Variants in SLC35F4 observed in about 807,000 individuals in gnomAD.
SLC35F4 encodes the protein solute carrier family 35 member F4.
In SLC35F4, 24 loss-of-function variants were observed where a neutral mutation model predicts 44.2. The observed-to-expected ratio is 0.54, with a 90% CI of 0.39 to 0.76. The LOEUF (loss-of-function observed/expected upper bound fraction) is 0.76. SLC35F4 is among the 30% of genes least tolerant of loss of function. SLC35F4 has a pLI of 0.00. For missense variants in SLC35F4, 562 were observed against 586.1 expected, an observed-to-expected ratio of 0.96 and a Z score of 0.42; for synonymous variants, 238 against 223.6, an observed-to-expected ratio of 1.06 and a Z score of -0.57.
intron 1 of SLC35F4, among the ~76,000 whole-genome samples, chr14:57,746,147 TG>T (rs1158379240): frequency 6.6e-6 from 1 of 152,050 alleles, no homozygotes; most frequent in African/African-American, 2.4e-5. Flanking sequence ...GATGAGTTAA[TG>T]GGTGCAGCAC....
chr14:57,868,000 A>T (rs1037233078), upstream of SLC35F4, among the ~76,000 whole-genome samples: 2 of 152,148 alleles, frequency 1.3e-5, no homozygotes, highest in Admixed American at 6.5e-5. Flanking sequence ...TATAAATAAC[A>T]ATTACCGTGT....
chr14:57,634,599 AG>A, intron 1 of SLC35F4, among the ~76,000 whole-genome samples: 1 of 152,282 alleles, frequency 6.6e-6, no homozygotes, highest in Admixed American at 6.5e-5. Context: ...AGGAATTCAC[AG>A]GTGAGATAAA....
intron 1 of SLC35F4, among the ~76,000 whole-genome samples, chr14:57,842,532 G>A (rs1411777921): frequency 6.6e-6 from 1 of 150,788 alleles, no homozygotes; most frequent in Non-Finnish European, 1.5e-5. Flanking sequence ...GAATGCTGTG[G>A]TGATATCTAC....
At chr14:57,830,490 G>A (rs1041266964) in intron 1 of SLC35F4, among the ~76,000 whole-genome samples, 1 of 152,118 alleles carries the variant, frequency 6.6e-6, no homozygotes, top group Non-Finnish European at 1.5e-5. Flanking sequence ...CCAATTTTAT[G>A]TTATGCTATG....
At chr14:57,756,119 T>C (rs1337497106) in intron 1 of SLC35F4, among the ~76,000 whole-genome samples, 4 of 152,348 alleles carry the variant, frequency 2.6e-5, no homozygotes, top group Non-Finnish European at 5.9e-5. Context: ...TTCTGCTTAC[T>C]TTGATTTCAT....
chr14:57,749,958 G>C lies in SLC35F4; in HGVS notation c.103+115765C>G, dbSNP rs117366406. Among the ~76,000 whole-genome samples, 40 of 151,808 alleles carry C rather than the reference G, an allele frequency of 2.6e-4. 1 individual carries two copies. In the East Asian group the frequency reaches 7.9e-3, roughly 30 times the overall value. On this transcript the variant is annotated intron_variant, in intron 1 of 7. Coordinates refer to ENST00000556826, the MANE Select transcript of SLC35F4 (RefSeq NM_001306087.2). Reference sequence around the variant, plus strand: ...AGTGCAATTTTGTTACTTGTGTAGTGATCAAGTCAGGGATTTTAGGGTATC... The same window carrying C: ...AGTGCAATTTTGTTACTTGTGTAGTCATCAAGTCAGGGATTTTAGGGTATC...
At chr14:57,616,170 C>A (rs955991096) in intron 1 of SLC35F4, among the ~76,000 whole-genome samples, 4 of 152,162 alleles carry the variant, frequency 2.6e-5, no homozygotes, top group Non-Finnish European at 4.4e-5. Flanking sequence ...ATCTCCAGAA[C>A]TTTTTCAGCT....
At chr14:57,812,279 G>A (rs1381884750) in intron 1 of SLC35F4, among the ~76,000 whole-genome samples, 1 of 152,072 alleles carries the variant, frequency 6.6e-6, no homozygotes, top group African/African-American at 2.4e-5. Context: ...AACCCAAACT[G>A]TGCCCCTCCC....
intron 1 of SLC35F4, among the ~76,000 whole-genome samples, chr14:57,946,398 A>T (rs1431913458): frequency 7.4e-6 from 1 of 134,400 alleles, no homozygotes; most frequent in Non-Finnish European, 1.6e-5. Flanking sequence ...TCTCCACTTT[A>T]TGTTTTTGTT....
intron 1 of SLC35F4, among the ~76,000 whole-genome samples, chr14:57,737,131 T>C (rs1248303501): frequency 2.6e-5 from 4 of 151,948 alleles, no homozygotes; most frequent in African/African-American, 9.7e-5. Context: ...TGTGCATGTG[T>C]GTGTGTGTTA....
At chr14:57,782,165 G>A (rs2077637682) in intron 1 of SLC35F4, among the ~76,000 whole-genome samples, 1 of 152,136 alleles carries the variant, frequency 6.6e-6, no homozygotes, top group South Asian at 2.1e-4. Context: ...AGAGTAATCT[G>A]TAAGACATAT....
At chr14:57,899,820 G>A (rs1170385098) in intron 1 of SLC35F4, among the ~76,000 whole-genome samples, 2 of 152,154 alleles carry the variant, frequency 1.3e-5, no homozygotes, top group Non-Finnish European at 2.9e-5. Flanking sequence ...GAATGAAGCC[G>A]TGGACCTTTG....
At chr14:57,785,336 G>T (rs976116082) in intron 1 of SLC35F4, among the ~76,000 whole-genome samples, 6 of 152,150 alleles carry the variant, frequency 3.9e-5, no homozygotes, top group African/African-American at 1.4e-4. Flanking sequence ...AGATAATCGA[G>T]CCCTCCATTG....
intron 4 of SLC35F4, among the ~76,000 whole-genome samples, chr14:57,579,244 G>A (rs1184619313): frequency 6.6e-6 from 1 of 152,150 alleles, no homozygotes; most frequent in Non-Finnish European, 1.5e-5. Context: ...GACAGATTTG[G>A]GGGATTAAGA....
chr14:57,964,928 G>A (rs1470241278), intron 1 of SLC35F4, among the ~76,000 whole-genome samples: 1 of 147,578 alleles, frequency 6.8e-6, no homozygotes, highest in Non-Finnish European at 1.5e-5. Flanking sequence ...GTGCCTCCAG[G>A]TATCTCTCAA....
intron 1 of SLC35F4, among the ~76,000 whole-genome samples, chr14:57,610,976 G>C (rs1209895271): frequency 6.6e-6 from 1 of 152,244 alleles, no homozygotes; most frequent in Non-Finnish European, 1.5e-5. Context: ...TGTGAAGAAC[G>C]CAAGAGTGGG....
chr14:57,602,647 T>A (rs1288616501), intron 1 of SLC35F4: 2 of 152,136 alleles, frequency 1.3e-5, no homozygotes, highest in Non-Finnish European at 2.9e-5. Context: ...TAATCATTCT[T>A]CCCTGTAATG....
At chr14:57,737,963 A>T (rs959539442) in intron 1 of SLC35F4, among the ~76,000 whole-genome samples, 17 of 152,368 alleles carry the variant, frequency 1.1e-4, no homozygotes, top group African/African-American at 4.1e-4. Flanking sequence ...GGCAGAAAAA[A>T]AGCAATTCTA....
intron 1 of SLC35F4, among the ~76,000 whole-genome samples, chr14:57,910,068 C>A (rs7151128): frequency 3.3e-5 from 5 of 151,836 alleles, no homozygotes. Context: ...AACATTTTTT[C>A]GTATATTTCC....
Sources: gnomAD v4.1 joint callset for allele counts (sites outside exome capture counted in the v4.1 genomes callset) on GRCh38, gnomAD v4.1.1 for gene constraint, MANE v1.5 for transcripts, NCBI Gene and HGNC (gene_info 2026-07-23, HGNC 2026-07-21) for gene names.